Variants in PXT1 observed in about 807,000 individuals in gnomAD.
The protein encoded by PXT1 is peroxisomal testis enriched protein 1, also known as peroxisomal testis-specific protein 1.
PXT1 carries 11 observed loss-of-function variants against 11.0 expected under a neutral mutation model. The observed-to-expected ratio is 1.00, with a 90% CI of 0.63 to 1.66. The LOEUF is 1.66. Among genes scored for constraint, PXT1 ranks in the 40% most tolerant of loss-of-function variants. PXT1 has a pLI of 0.00. For synonymous variants in PXT1, 43 were observed against 51.4 expected, an observed-to-expected ratio of 0.84 and a Z score of 0.70; for missense variants, 141 against 155.5, an observed-to-expected ratio of 0.91 and a Z score of 0.49.
intron 3 of PXT1, among the ~76,000 whole-genome samples, chr6:36,418,505 C>T (rs1446534169): frequency 6.6e-6 from 1 of 152,138 alleles, no homozygotes; most frequent in Non-Finnish European, 1.5e-5. Flanking sequence ...AACATAAGCT[C>T]TCTGTACTAG....
chr6:36,432,686 C>A (rs75735762), intron 2 of PXT1, among the ~76,000 whole-genome samples: 2,083 of 152,232 alleles, frequency 0.014, 42 homozygotes, highest in African/African-American at 0.045. Context: ...GTTTGAAAAT[C>A]TGTTTAAGAA....
At chr6:36,401,808 T>C (rs1401956412) in intron 3 of PXT1, among the ~76,000 whole-genome samples, 1 of 151,110 alleles carries the variant, frequency 6.6e-6, no homozygotes, top group African/African-American at 2.4e-5. Flanking sequence ...GTAGCTATTG[T>C]ATTGGACAAG....
At chr6:36,427,516 A>G (rs1377982971) in intron 2 of PXT1, among the ~76,000 whole-genome samples, 2 of 152,236 alleles carry the variant, frequency 1.3e-5, no homozygotes, top group Non-Finnish European at 2.9e-5. Context: ...GTCTAATAAA[A>G]ATAAGTGAAC....
At chr6:36,406,164 T>C (rs749012789) in intron 3 of PXT1, among the ~76,000 whole-genome samples, 44 of 152,204 alleles carry the variant, frequency 2.9e-4, no homozygotes, top group Non-Finnish European at 4.4e-4. Flanking sequence ...CAGGAGAATC[T>C]ATCTTGTTGC....
chr6:36,429,511 T>TC (rs1360221858), intron 2 of PXT1, among the ~76,000 whole-genome samples: 1 of 142,802 alleles, frequency 7.0e-6, no homozygotes, highest in African/African-American at 2.7e-5. Flanking sequence ...TTCTTTTCTT[T>TC]TTTTTTTTTT....
At chr6:36,441,111 G>GAAAAA (rs970159726) in intron 1 of PXT1, among the ~76,000 whole-genome samples, 2 of 71,218 alleles carry the variant, frequency 2.8e-5, no homozygotes, top group Non-Finnish European at 5.6e-5. Context: ...TCCACAAAAA[G>GAAAAA]AAAAAAAAAA....
chr6:36,431,106 A>G (rs1774685465), intron 2 of PXT1, among the ~76,000 whole-genome samples: 1 of 152,090 alleles, frequency 6.6e-6, no homozygotes, highest in Non-Finnish European at 1.5e-5. Context: ...GTGAGCCACC[A>G]TGCCTGGCCG....
rs528321117 is a variant in PXT1, at chr6:36,442,438, T to C, written c.-130+97A>G. The C allele has an allele frequency of 2.6e-5, 4 of 152,366 alleles. No homozygotes were observed. In the East Asian group the frequency reaches 7.7e-4, roughly 29 times the overall value. The allele number at this position is 152,366 out of a possible 1,614,324, so 9.4% of individuals were successfully genotyped here. A position where few individuals can be genotyped will look rare whatever the true frequency, so the allele number is the denominator to read the frequency against. On this transcript the variant is annotated intron_variant, in intron 1 of 4. Transcript: ENST00000454782. The stretch of plus-strand genomic sequence containing the variant: ...GGACATGGACCATATATAGATGTTT[T>C]TTGAATGCTGAAATCTTTTACTCAT...
At chr6:36,436,890 G>A (rs1774771097) in intron 2 of PXT1, among the ~76,000 whole-genome samples, 1 of 152,160 alleles carries the variant, frequency 6.6e-6, no homozygotes, top group African/African-American at 2.4e-5. Context: ...CACAGTATGG[G>A]ATATTTGATA....
chr6:36,435,617 A>T (rs1358981), intron 2 of PXT1, among the ~76,000 whole-genome samples: 40,858 of 151,918 alleles, frequency 0.27, 6,034 homozygotes, highest in African/African-American at 0.39. Context: ...CAAAAGAACA[A>T]AATATGTCTC....
At chr6:36,432,563 C>T (rs1774707660) in intron 2 of PXT1, among the ~76,000 whole-genome samples, 1 of 152,090 alleles carries the variant, frequency 6.6e-6, no homozygotes, top group African/African-American at 2.4e-5. Context: ...AAGCAAGGCA[C>T]GTCTCCCTGA....
chr6:36,420,563 G>A (rs1774509570), intron 3 of PXT1, among the ~76,000 whole-genome samples: 1 of 152,088 alleles, frequency 6.6e-6, no homozygotes, highest in Non-Finnish European at 1.5e-5. Flanking sequence ...GGGAACTGGG[G>A]GAGTGAGAAC....
intron 3 of PXT1, among the ~76,000 whole-genome samples, chr6:36,401,659 A>G (rs943726230): frequency 6.6e-6 from 1 of 151,728 alleles, no homozygotes; most frequent in Non-Finnish European, 1.5e-5. Flanking sequence ...AGGTCATTTC[A>G]AACATACTTA....
intron 4 of PXT1, among the ~76,000 whole-genome samples, chr6:36,392,890 T>C (rs375126347): frequency 6.6e-6 from 1 of 152,070 alleles, no homozygotes; most frequent in South Asian, 2.1e-4. Context: ...TGCCCTCCGA[T>C]GGCACCACCT....
Position 36,406,735 on chromosome 6 carries a change from C to T in PXT1, c.170-6151G>A, listed in dbSNP as rs1057301486. On this transcript the variant is annotated intron_variant, in intron 3 of 4. Transcript: ENST00000454782. ...CTGAGGCAGGAGAATCGCTTGAACC[C>T]GGGAGGTAGAGGTCGCAGTGGGCCA... 6.0e-5 allele frequency among the ~76,000 whole-genome samples: 9 copies of T among 151,080 alleles called. No homozygotes were observed. The South Asian group carries it at 1.7e-3, about 29-fold the overall frequency.
chr6:36,394,480 C>T (rs1185915570), intron 4 of PXT1, among the ~76,000 whole-genome samples: 3 of 151,982 alleles, frequency 2.0e-5, no homozygotes, highest in East Asian at 3.9e-4. Flanking sequence ...TAGGCTAATT[C>T]GAGGTGAGTT....
At chr6:36,431,900 G>A (rs149522444) in intron 2 of PXT1, among the ~76,000 whole-genome samples, 2,076 of 152,046 alleles carry the variant, frequency 0.014, 46 homozygotes, top group African/African-American at 0.045. Context: ...GTGAAAGCCC[G>A]TCTCCACTAA....
intron 3 of PXT1, among the ~76,000 whole-genome samples, chr6:36,414,418 A>G (rs1774419767): frequency 6.6e-6 from 1 of 152,206 alleles, no homozygotes; most frequent in African/African-American, 2.4e-5. Context: ...GAAAACAATA[A>G]AAGATCATAT....
chr6:36,411,070 A>G (rs935526430), intron 3 of PXT1, among the ~76,000 whole-genome samples: 3 of 152,244 alleles, frequency 2.0e-5, no homozygotes, highest in Admixed American at 6.5e-5. Flanking sequence ...TCATAATGGC[A>G]TGTCATATTT....
Sources: gnomAD v4.1 joint callset for allele counts (sites outside exome capture counted in the v4.1 genomes callset) on GRCh38, gnomAD v4.1.1 for gene constraint, MANE v1.5 for transcripts, NCBI Gene and HGNC (gene_info 2026-07-23, HGNC 2026-07-21) for gene names.